UBXN10: variants seen among roughly 807,000 people sequenced by gnomAD.
The protein encoded by UBXN10 is UBX domain protein 10.
In UBXN10, 6 loss-of-function variants were observed where a neutral mutation model predicts 6.9. That is an observed-to-expected ratio of 0.87 (90% CI 0.48 to 1.72). The LOEUF (loss-of-function observed/expected upper bound fraction) is 1.72, where lower values mean the gene tolerates loss of function less well. Among genes scored for constraint, UBXN10 ranks in the 40% most tolerant of loss-of-function variants. The pLI is 0.01. For synonymous variants in UBXN10, 131 were observed against 135.2 expected (o/e 0.97, Z 0.21); for missense variants, 317 against 348.4 (o/e 0.91, Z 0.72).
intron 1 of UBXN10, among the ~76,000 whole-genome samples, chr1:20,189,010 A>T (rs1398530660): frequency 1.3e-5 from 2 of 152,162 alleles, no homozygotes; most frequent in African/African-American, 4.8e-5. Flanking sequence ...AGACAAAAAG[A>T]CTGATGTTCT....
At chr1:20,183,339 C>T (rs1033036322), upstream of UBXN10, among the ~76,000 whole-genome samples, 2 of 152,164 alleles carry the variant, frequency 1.3e-5, no homozygotes, top group African/African-American at 4.8e-5. Flanking sequence ...CTGCAGTCCC[C>T]ACGACCAGTG....
Position 20,191,295 on chromosome 1 carries a change from A to C in UBXN10, c.734A>C (p.Glu245Ala). 1.2e-6 allele frequency: 2 copies of C among 1,614,218 alleles called. No homozygotes were observed. Among genetic ancestry groups the C allele is most frequent in the Non-Finnish European group, 1.7e-6 (2 of 1,180,030 alleles). ...SYRHCSIETM[E>A]VPRRRFSDLT... The stretch of plus-strand genomic sequence containing the variant: ...CGACACTGCAGCATTGAAACAATGG[A>C]GGTGCCCAGGAGGCGATTTTCTGAC... Residue 245 changes from glutamate (E) to alanine (A), a missense_variant, in exon 2 of 2, where the codon GAG becomes GCG. Transcript: ENST00000375099. This position sits in a 1 kb window ranked among gnomAD's most constrained non-coding sequence, Gnocchi z 4.5.
chr1:20,195,072 A>G lies in UBXN10; in HGVS notation c.*3668A>G, dbSNP rs2018576938. On this transcript the variant is annotated 3_prime_UTR_variant, in exon 2 of 2. Transcript: ENST00000375099. ...TCAGTTACCAACACACAACACTCAT[A>G]AAACTAAAATTAGGTGTTTTATTTT... 1 of 167,114 alleles carries G rather than the reference A, an allele frequency of 6.0e-6. No individual in the cohort carries two copies. Among genetic ancestry groups the G allele is most frequent in the Admixed American group, 6.5e-5 (1 of 15,294 alleles). 10.4% of individuals were successfully genotyped at this position (167,114 alleles called of 1,614,324 possible). A position where few individuals can be genotyped will look rare whatever the true frequency, so the allele number is the denominator to read the frequency against.
At chr1:20,186,766 G>T (rs908787312) in intron 1 of UBXN10, among the ~76,000 whole-genome samples, 1 of 152,088 alleles carries the variant, frequency 6.6e-6, no homozygotes. Flanking sequence ...CTCTGCATAG[G>T]ACAGTGTATT....
chr1:20,186,135 G>A lies in UBXN10; in HGVS notation c.-34G>A, dbSNP rs1279980620. The A allele has an allele frequency of 2.6e-5, 4 of 152,568 alleles. No homozygotes were observed. The highest frequency in any genetic ancestry group is 2.6e-4 in the Admixed American group (4 of 15,288). The allele number at this position is 152,568 out of a possible 1,614,324, so 9.5% of individuals were successfully genotyped here. A position where few individuals can be genotyped will look rare whatever the true frequency, so the allele number is the denominator to read the frequency against. ...GGACAGAGCCCGGGCGCAGGCGGCG[G>A]ATGGAGCGGAACGGCTAGGTGAGAG... On this transcript the variant is annotated 5_prime_UTR_variant, in exon 1 of 2. Transcript: ENST00000375099.
chr1:20,187,990 A>G lies in UBXN10; in HGVS notation c.-16+1837A>G, dbSNP rs2018429071. On this transcript the variant is annotated intron_variant, in intron 1 of 1. Coordinates refer to ENST00000375099, the MANE Select transcript of UBXN10 (RefSeq NM_152376.5). This position sits in a 1 kb window ranked among gnomAD's most constrained non-coding sequence, Gnocchi z 4.6. ...ATTCTGTAGAAGCTGTGGCAAATTA[A>G]TAGCCATTCCACAAGTGGGGAGGGT... Among the ~76,000 whole-genome samples, 1 of 152,198 alleles carries G rather than the reference A, an allele frequency of 6.6e-6. No individual in the cohort carries two copies. Among genetic ancestry groups the G allele is most frequent in the Admixed American group, 6.5e-5 (1 of 15,292 alleles).
chr1:20,191,456 TG>T lies in UBXN10; in HGVS notation c.*55del. On this transcript the variant is annotated 3_prime_UTR_variant, in exon 2 of 2. Coordinates refer to ENST00000375099, the MANE Select transcript of UBXN10 (RefSeq NM_152376.5). The surrounding 1 kb of genome is among the most constrained non-coding windows in gnomAD (Gnocchi z 4.5). Reference sequence around the variant, plus strand: ...GGGTCTCTGAGCAAAGGAGCATGCTTGGGCGTTGTGGCCTCTTAGGCAGCCT... The same window carrying T: ...GGGTCTCTGAGCAAAGGAGCATGCTTGGCGTTGTGGCCTCTTAGGCAGCCT... 1 of 1,558,262 alleles carries T rather than the reference TG, an allele frequency of 6.4e-7. No individual in the cohort carries two copies. Among genetic ancestry groups the T allele is most frequent in the Non-Finnish European group, 8.7e-7 (1 of 1,153,002 alleles).
At position 20,193,007 on chromosome 1, in the gene UBXN10, C is replaced by T. The variant is rs1439611323; in HGVS notation, c.*1603C>T. 1 of 167,104 alleles carries T rather than the reference C, an allele frequency of 6.0e-6. No homozygotes were observed. Among genetic ancestry groups the T allele is most frequent in the African/African-American group, 2.4e-5 (1 of 41,442 alleles). 10.4% of individuals were successfully genotyped at this position (167,104 alleles called of 1,614,324 possible). ...TACCATCCTGGTTTGGTCAGCCATT[C>T]CTTTGATTGGAAAGGTCAGCTGGGG... On this transcript the variant is annotated 3_prime_UTR_variant, in exon 2 of 2. Coordinates refer to ENST00000375099, the MANE Select transcript of UBXN10 (RefSeq NM_152376.5).
Position 20,191,116 on chromosome 1 carries a change from G to A in UBXN10, c.555G>A (p.Arg185=). The change falls in exon 2 of 2, where the codon AGG becomes AGA. Residue 185 remains arginine, a synonymous_variant. Coordinates refer to ENST00000375099, the MANE Select transcript of UBXN10 (RefSeq NM_152376.5). This position sits in a 1 kb window ranked among gnomAD's most constrained non-coding sequence, Gnocchi z 4.5. ...GAACCAAGAAACAGGGCTCTTCCAG[G>A]GCTGGAAATCTGGAGGAACCATCGG... ...IVRTKKQGSS[R]AGNLEEPSDQ... 2.5e-6 allele frequency: 4 copies of A among 1,614,148 alleles called. No individual in the cohort carries two copies. Among genetic ancestry groups the A allele is most frequent in the East Asian group, 4.5e-5 (2 of 44,880 alleles).
upstream of UBXN10, among the ~76,000 whole-genome samples, chr1:20,183,413 C>T (rs1196848302): frequency 1.3e-5 from 2 of 152,144 alleles, no homozygotes; most frequent in Non-Finnish European, 1.5e-5. Context: ...GGGTGGGACT[C>T]TGGGGTCCAG....
upstream of UBXN10, among the ~76,000 whole-genome samples, chr1:20,183,906 T>C (rs1001775261): frequency 1.3e-5 from 2 of 152,184 alleles, no homozygotes; most frequent in Non-Finnish European, 2.9e-5. Context: ...GGCAATGACC[T>C]CTGCCCATGT....
Position 20,195,340 on chromosome 1 carries a change from A to C in UBXN10, c.*3936A>C, listed in dbSNP as rs1484632755. ...GTAAAACTGAGCAAGCCTCATTCAG[A>C]CTGTCCTGCTCAGAGGCGCCCTCTG... On this transcript the variant is annotated 3_prime_UTR_variant, in exon 2 of 2. Transcript: ENST00000375099. The C allele has an allele frequency of 6.0e-6, 1 of 167,254 alleles. No individual in the cohort carries two copies. Among genetic ancestry groups the C allele is most frequent in the Non-Finnish European group, 1.5e-5 (1 of 68,282 alleles). 10.4% of individuals were successfully genotyped at this position (167,254 alleles called of 1,614,324 possible). A position where few individuals can be genotyped will look rare whatever the true frequency, so the allele number is the denominator to read the frequency against.
Position 20,192,227 on chromosome 1 carries a change from A to G in UBXN10, c.*823A>G, listed in dbSNP as rs542870212. On this transcript the variant is annotated 3_prime_UTR_variant, in exon 2 of 2. Coordinates refer to ENST00000375099, the MANE Select transcript of UBXN10 (RefSeq NM_152376.5). ...GGAATCTTTTGTTTTTAAAATGTAC[A>G]AACCTATAAGTTTAAACAGGTTTGT... is the stretch of plus-strand genomic sequence containing the variant. 1.2e-5 allele frequency: 2 copies of G among 167,192 alleles called. No homozygotes were observed. The highest frequency in any genetic ancestry group is 2.4e-5 in the African/African-American group (1 of 41,574). 10.4% of individuals were successfully genotyped at this position (167,192 alleles called of 1,614,324 possible).
chr1:20,186,189 G>A (rs2018385572), intron 1 of UBXN10, 36 bp downstream of exon 1: 1 of 152,484 alleles, frequency 6.6e-6, no homozygotes, highest in South Asian at 2.1e-4. Flanking sequence ...GCCTGCCCTT[G>A]GCCTCCGCCA....
upstream of UBXN10, among the ~76,000 whole-genome samples, chr1:20,185,542 T>C (rs190991904): frequency 2.0e-5 from 3 of 152,144 alleles, no homozygotes; most frequent in African/African-American, 4.8e-5. Context: ...GAGGTGCAGA[T>C]GCTGTTGATA....
In UBXN10 at chr1:20,190,884, C is replaced by T; in HGVS notation, c.323C>T (p.Ser108Phe). 1 of 1,614,112 alleles carries T rather than the reference C, an allele frequency of 6.2e-7. No individual in the cohort carries two copies. ...ELQQQVPTGA[S>F]SSLNKYPVLP... is the part of the protein sequence containing the mutation. Reference sequence around the variant, plus strand: ...CAGCAGCAAGTACCCACTGGGGCTTCCTCTTCTCTCAATAAGTATCCAGTC... The same window carrying T: ...CAGCAGCAAGTACCCACTGGGGCTTTCTCTTCTCTCAATAAGTATCCAGTC... The change falls in exon 2 of 2, where the codon TCC becomes TTC. Residue 108 changes from serine (S) to phenylalanine (F), a missense_variant. Physicochemically the swap from Ser to Phe is radical, Grantham distance 155. Transcript: ENST00000375099.
upstream of UBXN10, chr1:20,184,197 G>GCACACGCACACACACACACA (rs1553184787): frequency 6.7e-6 from 1 of 149,618 alleles, no homozygotes; most frequent in African/African-American, 2.5e-5. Flanking sequence ...GTGCGCACAC[G>GCACACGCACACACACACACA]CACACACACA....
chr1:20,190,453 T>C (rs2018471104), intron 1 of UBXN10, 94 bp from the exon 2 acceptor site: 1 of 1,470,066 alleles, frequency 6.8e-7, no homozygotes, highest in Admixed American at 2.3e-5. Flanking sequence ...CAGAAATTTG[T>C]GCTTATTCTG....
upstream of UBXN10, among the ~76,000 whole-genome samples, chr1:20,184,989 C>CA (rs1302959874): frequency 2.0e-5 from 3 of 151,932 alleles, no homozygotes; most frequent in Admixed American, 6.6e-5. Context: ...CCCCATTCTA[C>CA]AAAAAATAAT....
Sources: gnomAD v4.1 joint callset for allele counts (sites outside exome capture counted in the v4.1 genomes callset) on GRCh38, gnomAD v4.1.1 for gene constraint, Gnocchi (gnomAD v3.1) non-coding constraint, MANE v1.5 for transcripts, NCBI Gene and HGNC (gene_info 2026-07-23, HGNC 2026-07-21) for gene names.